Variants in ZMAT4 observed in about 807,000 individuals in gnomAD.
ZMAT4 encodes zinc finger matrin-type 4, also known as zinc finger matrin-type protein 4.
ZMAT4 carries 17 observed loss-of-function variants against 28.7 expected under a neutral mutation model. That is an observed-to-expected ratio of 0.59 (90% CI 0.41 to 0.89). The LOEUF (loss-of-function observed/expected upper bound fraction) is 0.89, where lower values mean the gene tolerates loss of function less well. Ranked by LOEUF, ZMAT4 falls within the 40% of genes least tolerant of loss-of-function variation. The pLI, the probability that ZMAT4 is intolerant of heterozygous loss-of-function variation, is 0.00. For synonymous variants in ZMAT4, 117 were observed against 109.2 expected (o/e 1.07, Z -0.44); for missense variants, 240 against 283.8 (o/e 0.85, Z 1.11).
At chr8:40,866,223 A>G (rs1817672486) in intron 1 of ZMAT4, among the ~76,000 whole-genome samples, 1 of 152,192 alleles carries the variant, frequency 6.6e-6, no homozygotes, top group South Asian at 2.1e-4. Flanking sequence ...TTAGTTCTAT[A>G]TCTTGTCTTT....
At chr8:40,878,181 A>G (rs1818103616) in intron 1 of ZMAT4, among the ~76,000 whole-genome samples, 1 of 152,220 alleles carries the variant, frequency 6.6e-6, no homozygotes, top group African/African-American at 2.4e-5. Flanking sequence ...ACCGTCAATC[A>G]TGAAAGCCAG....
intron 2 of ZMAT4, among the ~76,000 whole-genome samples, chr8:40,821,121 A>G (rs1417064432): frequency 6.6e-6 from 1 of 150,894 alleles, no homozygotes; most frequent in Non-Finnish European, 1.5e-5. Flanking sequence ...GTGTACACAC[A>G]CATATATCAT....
chr8:40,820,769 ATATGTGTTTATG>A (rs1815755842), intron 2 of ZMAT4, among the ~76,000 whole-genome samples: 2 of 276 alleles, frequency 7.2e-3, no homozygotes. Flanking sequence ...ATGCATGTGT[ATATGTGTTTATG>A]GGTGTGTCTG....
At chr8:40,888,438 TA>T (rs1818548720) in intron 1 of ZMAT4, 1 of 152,254 alleles carries the variant, frequency 6.6e-6, no homozygotes, top group Admixed American at 6.5e-5. Context: ...ATTATTAAAA[TA>T]AACAGAGCAG....
At chr8:40,580,302 G>A (rs543990721) in intron 6 of ZMAT4, among the ~76,000 whole-genome samples, 15 of 152,118 alleles carry the variant, frequency 9.9e-5, no homozygotes, top group East Asian at 3.9e-4. Context: ...ATGAGCCACC[G>A]CACCCGGCCT....
At chr8:40,811,574 A>G (rs1563500420) in intron 2 of ZMAT4, among the ~76,000 whole-genome samples, 1 of 152,224 alleles carries the variant, frequency 6.6e-6, no homozygotes, top group Non-Finnish European at 1.5e-5. Flanking sequence ...AAAACCCCCA[A>G]GTTTCCTTAG....
Position 40,805,077 on chromosome 8 carries a change from A to T in ZMAT4, c.102+20498T>A, listed in dbSNP as rs543773504. Among the ~76,000 whole-genome samples the T allele has an allele frequency of 8.8e-3, 1,333 of 151,868 alleles. 21 individuals are homozygous for T. The highest frequency in any genetic ancestry group is 0.03 in the African/African-American group (1,244 of 41,450). ...GACAAAGGGCTAATATCCAGAATCT[A>T]CAATGAACTCAAACAAATTTACAAG... is the stretch of plus-strand genomic sequence containing the variant. On this transcript the variant is annotated intron_variant, in intron 2 of 6. Transcript: ENST00000297737.
intron 2 of ZMAT4, among the ~76,000 whole-genome samples, chr8:40,807,077 T>A (rs577478204): frequency 8.9e-4 from 121 of 135,786 alleles, no homozygotes; most frequent in Admixed American, 4.4e-3. Flanking sequence ...TTTCCCAGAG[T>A]GAATATGCCC....
At chr8:40,576,235 T>C (rs531380659) in intron 6 of ZMAT4, among the ~76,000 whole-genome samples, 5 of 152,120 alleles carry the variant, frequency 3.3e-5, no homozygotes, top group African/African-American at 1.2e-4. Flanking sequence ...GGAAAATGTG[T>C]AGAAAACTTA....
At chr8:40,659,384 AG>A (rs753417292) in intron 5 of ZMAT4, among the ~76,000 whole-genome samples, 5 of 152,120 alleles carry the variant, frequency 3.3e-5, no homozygotes, top group African/African-American at 4.8e-5. Flanking sequence ...TGTTTTGCTT[AG>A]GGCCACAAGT....
intron 3 of ZMAT4, among the ~76,000 whole-genome samples, chr8:40,699,453 G>A (rs1222676673): frequency 6.6e-6 from 1 of 151,948 alleles, no homozygotes; most frequent in Non-Finnish European, 1.5e-5. Context: ...CCACTAATGG[G>A]TATCTACCCA....
intron 5 of ZMAT4, among the ~76,000 whole-genome samples, chr8:40,627,605 A>G (rs1474831511): frequency 1.3e-5 from 2 of 152,214 alleles, no homozygotes; most frequent in Non-Finnish European, 2.9e-5. Context: ...AAATTTTTCA[A>G]CCATGTATAA....
intron 5 of ZMAT4, among the ~76,000 whole-genome samples, chr8:40,589,695 G>A (rs372513611): frequency 7.6e-5 from 10 of 131,340 alleles, no homozygotes; most frequent in African/African-American, 2.6e-4. Context: ...TACACTTAGA[G>A]ACCTTCCTTC....
intron 5 of ZMAT4, among the ~76,000 whole-genome samples, chr8:40,605,588 G>A (rs971566559): frequency 2.6e-5 from 4 of 151,896 alleles, no homozygotes; most frequent in Non-Finnish European, 5.9e-5. Context: ...GACTTGTATG[G>A]TGTATCTTGG....
At chr8:40,843,673 C>T (rs1158179643) in intron 1 of ZMAT4, among the ~76,000 whole-genome samples, 1 of 152,164 alleles carries the variant, frequency 6.6e-6, no homozygotes, top group Admixed American at 6.5e-5. Context: ...AATATTGACT[C>T]AACAGCTGCT....
chr8:40,748,078 A>ATAAACACTC, intron 3 of ZMAT4, among the ~76,000 whole-genome samples: 1 of 152,352 alleles, frequency 6.6e-6, no homozygotes, highest in East Asian at 1.9e-4. Flanking sequence ...ATTTAAAGTC[A>ATAAACACTC]TAAACACTCT....
At chr8:40,794,736 G>A (rs145891912) in intron 2 of ZMAT4, among the ~76,000 whole-genome samples, 1 of 152,108 alleles carries the variant, frequency 6.6e-6, no homozygotes, top group Admixed American at 6.5e-5. Context: ...CCCAGGTCAG[G>A]CATGTCCCTC....
chr8:40,552,140 T>G (rs1803386577), intron 6 of ZMAT4, among the ~76,000 whole-genome samples: 1 of 152,210 alleles, frequency 6.6e-6, no homozygotes, highest in Non-Finnish European at 1.5e-5. Flanking sequence ...AGATTTCTCA[T>G]AATAGCCCTC....
At position 40,849,684 on chromosome 8, in the gene ZMAT4, C is replaced by T. The variant is rs567018662; in HGVS notation, c.-4-24004G>A. Among the ~76,000 whole-genome samples the T allele has an allele frequency of 6.6e-4, 100 of 152,266 alleles. 1 individual carries two copies. The highest frequency in any genetic ancestry group is 2.3e-3 in the African/African-American group (96 of 41,570). Reference sequence around the variant, plus strand: ...TCTCTCCATGTCCACAGCACCAAGACGGGAGAGAGGGATCAACATGATCTT... The same window carrying T: ...TCTCTCCATGTCCACAGCACCAAGATGGGAGAGAGGGATCAACATGATCTT... On this transcript the variant is annotated intron_variant, in intron 1 of 6. Transcript: ENST00000297737.
Sources: gnomAD v4.1 joint callset for allele counts (sites outside exome capture counted in the v4.1 genomes callset) on GRCh38, gnomAD v4.1.1 for gene constraint, MANE v1.5 for transcripts, NCBI Gene and HGNC (gene_info 2026-07-23, HGNC 2026-07-21) for gene names.